The following BUB1B variants were observed in gnomAD, a reference collection of about 807,000 sequenced individuals.
The protein encoded by BUB1B is BUB1 mitotic checkpoint serine/threonine kinase B.
In BUB1B, 86 loss-of-function variants were observed where a neutral mutation model predicts 137.7. The observed-to-expected ratio is 0.62, with a 90% confidence interval of 0.52 to 0.75. The LOEUF (loss-of-function observed/expected upper bound fraction) is 0.75, where lower values mean the gene tolerates loss of function less well. Ranked by LOEUF, BUB1B falls within the 30% of genes least tolerant of loss-of-function variation. The pLI, the probability that BUB1B is intolerant of heterozygous loss-of-function variation, is 0.00. For missense variants in BUB1B, 1,130 were observed against 1,236.9 expected (o/e 0.91, Z 1.30); for synonymous variants, 420 against 417.9 (o/e 1.00, Z -0.06).
chr15:40,170,100 AC>A lies in BUB1B; in HGVS notation c.221del (p.Pro74LeufsTer29). ...EYEIRFYTGN[D>X]PLDVWDRYIS... ...GAAATTCGATTTTACACTGGAAATG[AC>A]CCTCTGGATGTTTGGGATAGGTGGG... On this transcript the variant is annotated frameshift_variant, in exon 3 of 23. Coordinates refer to ENST00000287598, the MANE Select transcript of BUB1B (RefSeq NM_001211.6). LOFTEE classifies it high-confidence loss of function. 2 of 1,613,936 alleles carry A rather than the reference AC, an allele frequency of 1.2e-6. No individual in the cohort carries two copies. Among genetic ancestry groups the A allele is most frequent in the Non-Finnish European group, 1.7e-6 (2 of 1,179,824 alleles).
At chr15:40,165,804 A>G (rs1272154687) in intron 2 of BUB1B, among the ~76,000 whole-genome samples, 2 of 152,136 alleles carry the variant, frequency 1.3e-5, no homozygotes, top group Admixed American at 6.6e-5. Context: ...GCAAAATATC[A>G]TAATTTGGGA....
chr15:40,220,489 C>T, intron 22 of BUB1B, 75 bp from the exon 23 acceptor site: 1 of 1,484,660 alleles, frequency 6.7e-7, no homozygotes, highest in South Asian at 1.1e-5. Flanking sequence ...CATAAATGTA[C>T]CACTGAGTTA....
At chr15:40,172,780 C>T (rs9806144) in intron 4 of BUB1B, among the ~76,000 whole-genome samples, 9,089 of 152,060 alleles carry the variant, frequency 0.06, 893 homozygotes, top group African/African-American at 0.21. Flanking sequence ...TCAGGACATT[C>T]GACAAATATT....
rs543136055 is a variant in BUB1B, at chr15:40,188,112, A to G, written c.1058+2470A>G. 7.2e-5 allele frequency among the ~76,000 whole-genome samples: 11 copies of G among 151,758 alleles called. No individual in the cohort carries two copies. The South Asian group carries it at 2.1e-3, about 29-fold the overall frequency. Reference sequence around the variant, plus strand: ...GCCCAGGCTGGAGTGCAGTGGTGCAATCTTGGCTCACTGCAACCTCCACCT... The same window carrying G: ...GCCCAGGCTGGAGTGCAGTGGTGCAGTCTTGGCTCACTGCAACCTCCACCT... On this transcript the variant is annotated intron_variant, in intron 8 of 22. Coordinates refer to ENST00000287598, the MANE Select transcript of BUB1B (RefSeq NM_001211.6).
At chr15:40,185,758 C>A in intron 8 of BUB1B, 116 bp downstream of exon 8, 1 of 950,450 alleles carries the variant, frequency 1.1e-6, no homozygotes, top group Non-Finnish European at 1.7e-6. Flanking sequence ...CCAGGCCAGG[C>A]GCAGTAGCTC....
chr15:40,207,905 G>A (rs1054124795), intron 15 of BUB1B, among the ~76,000 whole-genome samples: 9 of 150,662 alleles, frequency 6.0e-5, no homozygotes, highest in Non-Finnish European at 1.3e-4. Flanking sequence ...GCTAGGCATG[G>A]TAGCACTCAC....
At chr15:40,168,166 A>G (rs1329995950) in intron 2 of BUB1B, among the ~76,000 whole-genome samples, 7 of 151,994 alleles carry the variant, frequency 4.6e-5, no homozygotes, top group African/African-American at 7.3e-5. Flanking sequence ...TGAGGAGTTT[A>G]AGACCAGCCT....
At chr15:40,196,809 C>A (rs760497875) in intron 9 of BUB1B, 35 bp downstream of exon 9, 2 of 1,593,136 alleles carry the variant, frequency 1.3e-6, no homozygotes, top group South Asian at 2.2e-5. Context: ...GAGGACTTAA[C>A]TTAGTTGTGT....
Position 40,221,010 on chromosome 15 carries a change from G to GT in BUB1B, c.*253dup, listed in dbSNP as rs2037898825. 1 of 515,010 alleles carries GT rather than the reference G, an allele frequency of 1.9e-6. No individual in the cohort carries two copies. The allele number at this position is 515,010 out of a possible 1,614,324, so 31.9% of individuals were successfully genotyped here. On this transcript the variant is annotated 3_prime_UTR_variant, in exon 23 of 23. Coordinates refer to ENST00000287598, the MANE Select transcript of BUB1B (RefSeq NM_001211.6). ...CAGACTCATTACAAATGGTTACCTT[G>GT]TTATTTAACCCATTTGTCTCTACTT...
rs927172416 is a variant in BUB1B, at chr15:40,217,271, C to T, written c.2679-225C>T. On this transcript the variant is annotated intron_variant, in intron 20 of 22. Transcript: ENST00000287598. ...TAAATGTTTAATGGTGGCCATGCAC[C>T]GTGATTGAAATATACTTTGTGTCAC... The T allele has an allele frequency of 5.3e-6, 3 of 567,566 alleles. No homozygotes were observed. In the Admixed American group the frequency reaches 9.1e-5, roughly 17 times the overall value. The allele number at this position is 567,566 out of a possible 1,614,324, so 35.2% of individuals were successfully genotyped here.
At chr15:40,165,338 T>TG in intron 2 of BUB1B, 142 bp downstream of exon 2, 1 of 1,082,884 alleles carries the variant, frequency 9.2e-7, no homozygotes, top group Non-Finnish European at 1.4e-6. Context: ...CCTGCTTTCG[T>TG]ATCACATGAC....
At chr15:40,196,851 A>G in intron 9 of BUB1B, 77 bp downstream of exon 9, 6 of 1,300,242 alleles carry the variant, frequency 4.6e-6, no homozygotes, top group Non-Finnish European at 6.7e-6. Flanking sequence ...AGTCTGAAGA[A>G]AACTAACCTT....
In BUB1B at chr15:40,202,705, G is replaced by A; in HGVS notation, c.1734+11G>A. ...TCTCCAGATGTTTGTGTAAGGAGCAGTATCCTTAAGTTAATGTAAATGGGC... is the reference window on the plus strand; with the variant it reads ...TCTCCAGATGTTTGTGTAAGGAGCAATATCCTTAAGTTAATGTAAATGGGC... On this transcript the variant is annotated intron_variant, in intron 14 of 22. Transcript: ENST00000287598. The A allele has an allele frequency of 6.3e-7, 1 of 1,594,282 alleles. No individual in the cohort carries two copies. The highest frequency in any genetic ancestry group is 8.6e-7 in the Non-Finnish European group (1 of 1,162,024).
At chr15:40,212,750 A>C in intron 19 of BUB1B, 102 bp downstream of exon 19, 1 of 1,057,092 alleles carries the variant, frequency 9.5e-7, no homozygotes. Context: ...TCTTCTAGAA[A>C]TAGACCAATT....
intron 1 of BUB1B, 117 bp downstream of exon 1, chr15:40,161,372 A>G (rs1399488949): frequency 8.4e-7 from 1 of 1,184,362 alleles, no homozygotes; most frequent in Non-Finnish European, 1.1e-6. Context: ...AACAGACCCC[A>G]CCGGAGCCTC....
chr15:40,175,329 C>T (rs370351781), intron 4 of BUB1B, among the ~76,000 whole-genome samples: 2 of 151,818 alleles, frequency 1.3e-5, no homozygotes, highest in African/African-American at 2.4e-5. Flanking sequence ...GAAAAGAATT[C>T]GAGGTTGCAG....
intron 20 of BUB1B, among the ~76,000 whole-genome samples, chr15:40,217,108 C>T (rs1433868268): frequency 6.6e-6 from 1 of 152,118 alleles, no homozygotes; most frequent in South Asian, 2.1e-4. Flanking sequence ...GGCTATGACA[C>T]CTATAAAATT....
At chr15:40,169,929 CAA>C in intron 2 of BUB1B, 131 bp from the exon 3 acceptor site, 1 of 833,796 alleles carries the variant, frequency 1.2e-6, no homozygotes, top group Non-Finnish European at 2.0e-6. Context: ...TATTCTATAA[CAA>C]ACCCATAAAC....
rs939946210 is a variant in BUB1B at position 40,212,744 on chromosome 15, C to G, written c.2535+96C>G. ...TTAGTACAAAATTCCTGTCAATCTT[C>G]TAGAAATAGACCAATTCAAGTATAA... On this transcript the variant is annotated intron_variant, in intron 19 of 22. Coordinates refer to ENST00000287598, the MANE Select transcript of BUB1B (RefSeq NM_001211.6). 3.5e-6 allele frequency: 4 copies of G among 1,147,214 alleles called. No individual in the cohort carries two copies. In the Admixed American group the frequency reaches 8.0e-5, roughly 23 times the overall value. The allele number at this position is 1,147,214 out of a possible 1,614,324, so 71.1% of individuals were successfully genotyped here.
Sources: gnomAD v4.1 joint callset for allele counts (sites outside exome capture counted in the v4.1 genomes callset) on GRCh38, gnomAD v4.1.1 for gene constraint, MANE v1.5 for transcripts, NCBI Gene and HGNC (gene_info 2026-07-23, HGNC 2026-07-21) for gene names.